Variants in KIAA1549 observed in about 807,000 individuals in gnomAD.
KIAA1549 encodes KIAA1549.
A neutral mutation model predicts 156.4 loss-of-function variants in KIAA1549; 70 were observed. That is an observed-to-expected ratio of 0.45 (90% CI 0.37 to 0.55). The LOEUF is 0.55. KIAA1549 is among the 20% of genes least tolerant of loss of function. KIAA1549 has a pLI of 0.00. For synonymous variants in KIAA1549, 1,103 were observed against 1,066.4 expected, an observed-to-expected ratio of 1.03 and a Z score of -0.67; for missense variants, 2,428 against 2,540.9, an observed-to-expected ratio of 0.96 and a Z score of 0.96.
chr7:138,840,466 G>GTAAGGAAT (rs1362129690), intron 18 of KIAA1549, among the ~76,000 whole-genome samples, 188 bp from the exon 19 acceptor site: 1 of 151,860 alleles, frequency 6.6e-6, no homozygotes, highest in East Asian at 1.9e-4. Flanking sequence ...ATTTCCTGAG[G>GTAAGGAAT]GTCCCATAGG....
chr7:138,961,284 T>G (rs113451125), intron 1 of KIAA1549, among the ~76,000 whole-genome samples: 2 of 152,350 alleles, frequency 1.3e-5, no homozygotes, highest in African/African-American at 4.8e-5. Flanking sequence ...CCAGGAGATC[T>G]TGGCGTTCTT....
At chr7:138,954,713 C>T (rs1007057140) in intron 1 of KIAA1549, among the ~76,000 whole-genome samples, 4 of 152,138 alleles carry the variant, frequency 2.6e-5, no homozygotes, top group Non-Finnish European at 5.9e-5. Context: ...CTCTGCCGCT[C>T]GTGGAGAGGT....
chr7:138,852,336 C>A, intron 16 of KIAA1549, 67 bp from the exon 17 acceptor site: 2 of 1,066,556 alleles, frequency 1.9e-6, no homozygotes, highest in Admixed American at 2.6e-5. Flanking sequence ...CAACAGCAAA[C>A]TTATAAATTC....
At chr7:138,924,001 A>G (rs1425946766) in intron 1 of KIAA1549, among the ~76,000 whole-genome samples, 1 of 152,172 alleles carries the variant, frequency 6.6e-6, no homozygotes, top group Non-Finnish European at 1.5e-5. Flanking sequence ...AGATTTTTTA[A>G]TCGATATTTT....
chr7:138,869,209 A>G (rs941668095), intron 14 of KIAA1549, among the ~76,000 whole-genome samples: 14 of 152,176 alleles, frequency 9.2e-5, no homozygotes, highest in African/African-American at 3.4e-4. Context: ...TGGGAAGGAA[A>G]GGGTGAGTGC....
At position 138,903,891 on chromosome 7, in the gene KIAA1549, TG is replaced by T. The variant is rs549566232; in HGVS notation, c.3521-156del. On this transcript the variant is annotated intron_variant, in intron 7 of 19. Transcript: ENST00000422774. ...CGCGCACATATGTATTTGAAATTAA[TG>T]CAAGATTGCCATAAAATGCCAATTC... is the stretch of plus-strand genomic sequence containing the variant. Among the ~76,000 whole-genome samples, 379 of 142,636 alleles carry T rather than the reference TG, an allele frequency of 2.7e-3. 4 individuals are homozygous for T. Among genetic ancestry groups the T allele is most frequent in the African/African-American group, 8.7e-3 (336 of 38,704 alleles). 93.6% of individuals were successfully genotyped at this position (142,636 alleles called of 152,430 possible).
At chr7:138,858,475 A>G (rs1317216164) in intron 16 of KIAA1549, among the ~76,000 whole-genome samples, 1 of 151,980 alleles carries the variant, frequency 6.6e-6, no homozygotes, top group Non-Finnish European at 1.5e-5. Context: ...AGACATTATT[A>G]ATTTTACCTT....
intron 1 of KIAA1549, among the ~76,000 whole-genome samples, chr7:138,932,802 T>C (rs1584766478): frequency 6.6e-6 from 1 of 152,282 alleles, no homozygotes; most frequent in East Asian, 1.9e-4. Flanking sequence ...GAAACTGCTA[T>C]TACCATGACC....
chr7:138,903,871 A>AG, intron 7 of KIAA1549, 135 bp from the exon 8 acceptor site: 1 of 592,936 alleles, frequency 1.7e-6, no homozygotes, highest in Non-Finnish European at 2.8e-6. Flanking sequence ...GCGCGCGCGC[A>AG]CATATGTATT....
intron 1 of KIAA1549, among the ~76,000 whole-genome samples, chr7:138,931,986 G>A (rs1812886977): frequency 6.6e-6 from 1 of 151,978 alleles, no homozygotes; most frequent in Non-Finnish European, 1.5e-5. Flanking sequence ...GGGAGGCGTG[G>A]GGTGTGTATG....
chr7:138,872,178 C>G (rs548078480), intron 12 of KIAA1549, among the ~76,000 whole-genome samples: 1 of 152,002 alleles, frequency 6.6e-6, no homozygotes, highest in East Asian at 1.9e-4. Context: ...AACTCCTGAC[C>G]TCAAGTGATC....
At chr7:138,881,186 T>C (rs1023850601) in intron 11 of KIAA1549, among the ~76,000 whole-genome samples, 1 of 152,018 alleles carries the variant, frequency 6.6e-6, no homozygotes, top group Non-Finnish European at 1.5e-5. Context: ...GGGAAAGAAA[T>C]CACACAGCCT....
intron 17 of KIAA1549, among the ~76,000 whole-genome samples, chr7:138,850,776 A>C (rs1563048913): frequency 6.6e-6 from 1 of 151,664 alleles, no homozygotes; most frequent in South Asian, 2.1e-4. Flanking sequence ...ATCTTTGCTC[A>C]CTCCTATGTC....
At chr7:138,969,305 GGCCCTT>G (rs1814145200) in intron 1 of KIAA1549, among the ~76,000 whole-genome samples, 1 of 152,034 alleles carries the variant, frequency 6.6e-6, no homozygotes, top group Admixed American at 6.5e-5. Flanking sequence ...CCTCCTCCCA[GGCCCTT>G]GCCATCCTTC....
chr7:138,916,843 GT>G lies in KIAA1549; in HGVS notation c.2782del (p.Thr928LeufsTer29), dbSNP rs1415159992. The G allele has an allele frequency of 1.2e-6, 2 of 1,613,898 alleles. No homozygotes were observed. Among genetic ancestry groups the G allele is most frequent in the Non-Finnish European group, 1.7e-6 (2 of 1,179,898 alleles). ...TGGTGTGTCGACTGTTGCTTCGAGAGTGAAGGCAGTCACGGGACGCAGGGAT... is the reference window on the plus strand; with the variant it reads ...TGGTGTGTCGACTGTTGCTTCGAGAGGAAGGCAGTCACGGGACGCAGGGAT... ...LPSLRPVTAFTLEATVDTPTL... is the reference protein window; with the variant it reads ...LPSLRPVTAFXLEATVDTPTL... On this transcript the variant is annotated frameshift_variant, in exon 2 of 20. Coordinates refer to ENST00000422774, the MANE Select transcript of KIAA1549 (RefSeq NM_001164665.2). LOFTEE classifies it high-confidence loss of function.
chr7:138,872,998 C>A (rs777055104), intron 12 of KIAA1549, among the ~76,000 whole-genome samples: 17 of 152,158 alleles, frequency 1.1e-4, no homozygotes, highest in Non-Finnish European at 1.6e-4. Context: ...AGCAGGCTGA[C>A]AGAGGGAATA....
intron 13 of KIAA1549, among the ~76,000 whole-genome samples, chr7:138,870,479 A>T (rs1810894665): frequency 1.3e-5 from 2 of 152,212 alleles, no homozygotes; most frequent in Non-Finnish European, 2.9e-5. Context: ...TAAAGAGGAT[A>T]ATTACCTAGT....
intron 18 of KIAA1549, among the ~76,000 whole-genome samples, chr7:138,842,928 T>C (rs745501151): frequency 1.3e-5 from 2 of 152,162 alleles, no homozygotes; most frequent in Non-Finnish European, 2.9e-5. Context: ...GTGATAAATA[T>C]CTTGGCACGT....
At chr7:138,859,010 C>CACAT (rs2130362182) in intron 16 of KIAA1549, among the ~76,000 whole-genome samples, 1 of 42,280 alleles carries the variant, frequency 2.4e-5, no homozygotes, top group East Asian at 6.0e-4. Flanking sequence ...CATCTCAAAA[C>CACAT]ACACACACAC....
Sources: allele counts gnomAD v4.1 joint callset (sites outside exome capture counted in the v4.1 genomes callset), GRCh38; gene constraint gnomAD v4.1.1; transcripts MANE v1.5; gene names NCBI Gene and HGNC (gene_info 2026-07-23, HGNC 2026-07-21).